The following ABCC2 variants were observed in gnomAD, a reference collection of about 807,000 sequenced individuals.
ABCC2 encodes the protein ATP binding cassette subfamily C member 2, also known as ATP-binding cassette sub-family C member 2.
Under a neutral mutation model 173.4 loss-of-function variants are expected in ABCC2, and 157 were observed. The observed-to-expected ratio is 0.91, with a 90% confidence interval of 0.80 to 1.03. ABCC2 has a LOEUF of 1.03. Among genes scored for constraint, ABCC2 ranks in the 50% least tolerant of loss-of-function variants. The probability of loss-of-function intolerance (pLI) is 0.00; values close to 1 mark genes in which losing one functional copy is unlikely to be tolerated. For synonymous variants in ABCC2, 657 were observed against 693.5 expected (o/e 0.95, Z 0.83); for missense variants, 1,822 against 1,852.3 (o/e 0.98, Z 0.30).
intron 19 of ABCC2, among the ~76,000 whole-genome samples, chr10:99,822,914 G>T (rs1590175031): frequency 6.6e-6 from 1 of 151,958 alleles, no homozygotes; most frequent in Non-Finnish European, 1.5e-5. Context: ...ACAATATCCT[G>T]GTCCATTGTC....
chr10:99,803,868 GATTTGGAGGC>G, intron 9 of ABCC2, 141 bp from the exon 10 acceptor site: 1 of 946,184 alleles, frequency 1.1e-6, no homozygotes, highest in Non-Finnish European at 1.6e-6. Flanking sequence ...CCATGTGTAA[GATTTGGAGGC>G]AAGAAGTCAC....
At chr10:99,847,198 G>C (rs981265419) in intron 30 of ABCC2, 71 bp downstream of exon 30, 234 of 1,550,404 alleles carry the variant, frequency 1.5e-4, no homozygotes, top group Middle Eastern at 3.9e-4. Flanking sequence ...CGTGTTCCTC[G>C]TGTTAGGTGA....
chr10:99,839,044 C>T (rs1288293075), intron 25 of ABCC2, among the ~76,000 whole-genome samples: 14 of 128,370 alleles, frequency 1.1e-4, no homozygotes, highest in African/African-American at 3.6e-4. Flanking sequence ...CGGGCAGAGG[C>T]GCCCCTCACC....
chr10:99,834,269 G>A, intron 23 of ABCC2, 111 bp from the exon 24 acceptor site: 2 of 1,061,484 alleles, frequency 1.9e-6, no homozygotes, highest in Non-Finnish European at 2.9e-6. Context: ...ATTACATGAA[G>A]GAGTACTGGG....
At chr10:99,785,706 C>T (rs926327418) in intron 2 of ABCC2, among the ~76,000 whole-genome samples, 3 of 151,896 alleles carry the variant, frequency 2.0e-5, no homozygotes, top group Non-Finnish European at 4.4e-5. Flanking sequence ...TTTAGTAGGG[C>T]GGGATTTCGC....
rs773046145 is a variant in ABCC2 at position 99,844,421 on chromosome 10, C to A, written c.3943C>A (p.Leu1315Met). The part of the protein sequence containing the change: ...YQVRYRPELD[L>M]VLRGITCDIG... ...AGTGCGGTACCGACCTGAGCTGGAT[C>A]TGGTCCTCAGAGGGATCACTTGTGA... Residue 1315 changes from leucine to methionine, a missense_variant, in exon 28 of 32, where the codon CTG (leucine) becomes ATG (methionine). Physicochemically the swap from Leu to Met is conservative, Grantham distance 15. Coordinates refer to ENST00000647814, the MANE Select transcript of ABCC2 (RefSeq NM_000392.5). 3 of 1,614,206 alleles carry A rather than the reference C, an allele frequency of 1.9e-6. No homozygotes were observed. Among genetic ancestry groups the A allele is most frequent in the Non-Finnish European group, 2.5e-6 (3 of 1,180,048 alleles).
At chr10:99,814,232 T>C (rs373014664) in intron 16 of ABCC2, among the ~76,000 whole-genome samples, 1 of 31,212 alleles carries the variant, frequency 3.2e-5, no homozygotes, top group African/African-American at 1.4e-4. Context: ...TACACACATG[T>C]GTATATATGC....
intron 8 of ABCC2, 57 bp downstream of exon 8, chr10:99,799,427 TG>T (rs550451127): frequency 0.027 from 43,545 of 1,588,940 alleles, 733 homozygotes; most frequent in Non-Finnish European, 0.033. Flanking sequence ...CCCTCCTTTT[TG>T]CCACTGTGTA....
rs1475884280 is a variant in ABCC2, at chr10:99,830,760, T to C, written c.2792T>C (p.Leu931Ser). ...CATCTGAAGTCCCTGAGAAACTCCTTGAAAACTCGGAATGTGAATAGCCTG... is the reference window on the plus strand; with the variant it reads ...CATCTGAAGTCCCTGAGAAACTCCTCGAAAACTCGGAATGTGAATAGCCTG... Reference protein sequence around the residue: ...GRHLKSLRNSLKTRNVNSLKE... With the variant: ...GRHLKSLRNSSKTRNVNSLKE... Residue 931 changes from leucine to serine, a missense_variant, in exon 21 of 32, where the codon TTG (leucine) becomes TCG (serine). Transcript: ENST00000647814. The C allele has an allele frequency of 6.2e-7, 1 of 1,614,076 alleles. No individual in the cohort carries two copies. Among genetic ancestry groups the C allele is most frequent in the Admixed American group, 1.7e-5 (1 of 60,022 alleles).
At position 99,832,094 on chromosome 10, in the gene ABCC2, C is replaced by A; in HGVS notation, c.3221C>A (p.Thr1074Lys). The change falls in exon 23 of 32, where the codon ACA becomes AAA. Residue 1074 changes from threonine to lysine, a missense_variant. Thr to Lys is a moderately conservative substitution (Grantham distance 78). Transcript: ENST00000647814. ...CGAGCACCTATGAGATTTTTTGACA[C>A]AACACCCACAGGCCGGATTGTGAAC... ...ILRAPMRFFD[T>K]TPTGRIVNRF... The A allele has an allele frequency of 6.2e-7, 1 of 1,614,174 alleles. No homozygotes were observed. Among genetic ancestry groups the A allele is most frequent in the Non-Finnish European group, 8.5e-7 (1 of 1,180,022 alleles).
At chr10:99,814,554 T>TATATACAC (rs1426136739) in intron 16 of ABCC2, among the ~76,000 whole-genome samples, 1 of 132,222 alleles carries the variant, frequency 7.6e-6, no homozygotes, top group African/African-American at 2.8e-5. Context: ...CACATATGTG[T>TATATACAC]ATATACACAT....
At chr10:99,847,244 TA>T in intron 30 of ABCC2, 117 bp downstream of exon 30, 1 of 1,190,534 alleles carries the variant, frequency 8.4e-7, no homozygotes, top group Non-Finnish European at 1.2e-6. Context: ...GTCTGATTCC[TA>T]AAGTGTAAAA....
intron 1 of ABCC2, among the ~76,000 whole-genome samples, chr10:99,783,864 G>T (rs1305529056): frequency 1.3e-5 from 2 of 151,964 alleles, no homozygotes; most frequent in African/African-American, 2.4e-5. Flanking sequence ...AAACTTTCTT[G>T]GTCAGGGCAT....
intron 17 of ABCC2, 44 bp from the exon 18 acceptor site, chr10:99,818,746 G>A (rs1159223585): frequency 6.2e-7 from 1 of 1,606,970 alleles, no homozygotes; most frequent in Non-Finnish European, 8.5e-7. Flanking sequence ...CTGTGAAGGT[G>A]GATCTAGGGA....
chr10:99,784,421 C>T (rs1356290724), intron 1 of ABCC2, among the ~76,000 whole-genome samples, 187 bp from the exon 2 acceptor site: 5 of 152,102 alleles, frequency 3.3e-5, no homozygotes, highest in African/African-American at 4.8e-5. Context: ...AAAGTGACTA[C>T]ATTTGTCATT....
intron 13 of ABCC2, 50 bp downstream of exon 13, chr10:99,808,279 G>A: frequency 6.2e-7 from 1 of 1,606,982 alleles, no homozygotes; most frequent in Non-Finnish European, 8.5e-7. Context: ...TAAAAGCCTT[G>A]GAGTCCAGAA....
At chr10:99,788,452 C>G (rs2037757764) in intron 2 of ABCC2, 1 of 152,084 alleles carries the variant, frequency 6.6e-6, no homozygotes, top group East Asian at 1.9e-4. Flanking sequence ...ACCAGTATAT[C>G]AAGGCAGAAT....
chr10:99,841,881 T>C, intron 25 of ABCC2, 86 bp from the exon 26 acceptor site: 1 of 1,593,424 alleles, frequency 6.3e-7, no homozygotes, highest in Non-Finnish European at 8.6e-7. Context: ...TCAAACCCTC[T>C]GAGAATGTTC....
In ABCC2 at chr10:99,836,203, T is replaced by C. The variant is rs776311889; in HGVS notation, c.3527T>C (p.Phe1176Ser). The change falls in exon 25 of 32, where the codon TTT becomes TCT. Residue 1176 changes from phenylalanine to serine, a missense_variant. Phe to Ser is a radical substitution (Grantham distance 155, BLOSUM62 -2). Coordinates refer to ENST00000647814, the MANE Select transcript of ABCC2 (RefSeq NM_000392.5). ...TCAGGTTTGCCAGTTATCCGTGCCT[T>C]TGAGCACCAGCAGCGATTTCTGAAA... ...TVSGLPVIRA[F>S]EHQQRFLKHN... The C allele has an allele frequency of 6.2e-7, 1 of 1,614,200 alleles. No homozygotes were observed. The highest frequency in any genetic ancestry group is 1.7e-5 in the Admixed American group (1 of 60,028).
Sources: gnomAD v4.1 joint callset for allele counts (sites outside exome capture counted in the v4.1 genomes callset) on GRCh38, gnomAD v4.1.1 for gene constraint, MANE v1.5 for transcripts, NCBI Gene and HGNC (gene_info 2026-07-23, HGNC 2026-07-21) for gene names.